The following DPY19L2 variants were observed in gnomAD, a reference collection of about 807,000 sequenced individuals.
DPY19L2 encodes the protein dpy-19 like 2.
A neutral mutation model predicts 97.9 loss-of-function variants in DPY19L2; 34 were observed. The ratio of observed to expected loss-of-function variants is 0.35; its 90% CI spans 0.26 to 0.46. The LOEUF is 0.46. Ranked by LOEUF, DPY19L2 falls within the 20% of genes least tolerant of loss-of-function variation. DPY19L2 has a pLI of 1.00. For missense variants in DPY19L2, 623 were observed against 911.4 expected (o/e 0.68, Z 4.07); for synonymous variants, 230 against 307.9 (o/e 0.75, Z 2.65).
chr12:63,601,275 A>C (rs1885144852), intron 12 of DPY19L2, among the ~76,000 whole-genome samples: 1 of 152,200 alleles, frequency 6.6e-6, no homozygotes, highest in African/African-American at 2.4e-5. Flanking sequence ...TTGAAATGTG[A>C]AAACTTAAGC....
intron 16 of DPY19L2, among the ~76,000 whole-genome samples, chr12:63,588,745 CTTT>C (rs913709153): frequency 0.14 from 17,824 of 129,648 alleles, 702 homozygotes; most frequent in African/African-American, 0.27. Flanking sequence ...AGGAAACTTT[CTTT>C]TTTTTTTTTT....
At chr12:63,625,186 A>C (rs61936091) in intron 7 of DPY19L2, among the ~76,000 whole-genome samples, 15,675 of 152,064 alleles carry the variant, frequency 0.1, 1,033 homozygotes, top group East Asian at 0.28. Context: ...TCATGAGGTC[A>C]GGAGTTCGAG....
At chr12:63,585,382 T>A (rs1251458378) in intron 16 of DPY19L2, among the ~76,000 whole-genome samples, 1 of 152,144 alleles carries the variant, frequency 6.6e-6, no homozygotes, top group Non-Finnish European at 1.5e-5. Context: ...CTTAAGGTAG[T>A]AATGGAGTCC....
intron 16 of DPY19L2, among the ~76,000 whole-genome samples, chr12:63,585,618 C>G (rs1054701585): frequency 2.6e-5 from 4 of 151,966 alleles, no homozygotes; most frequent in African/African-American, 7.3e-5. Context: ...AAGGAAGAAG[C>G]CTGGTAGGTG....
intron 16 of DPY19L2, among the ~76,000 whole-genome samples, chr12:63,589,323 A>G (rs929527301): frequency 7.1e-6 from 1 of 140,042 alleles, no homozygotes. Flanking sequence ...ACCAGAAAGA[A>G]AGTTTGGTAA....
At chr12:63,613,528 C>G (rs147694583) in intron 11 of DPY19L2, among the ~76,000 whole-genome samples, 1,641 of 151,970 alleles carry the variant, frequency 0.011, 15 homozygotes, top group Middle Eastern at 0.024. Flanking sequence ...AAAGACTGAA[C>G]AATTAAACAA....
At position 63,605,359 on chromosome 12, in the gene DPY19L2, G is replaced by A. The variant is rs548491074; in HGVS notation, c.1278+3257C>T. 9.2e-5 allele frequency among the ~76,000 whole-genome samples: 14 copies of A among 152,260 alleles called. No homozygotes were observed. In the South Asian group the frequency reaches 2.9e-3, roughly 32 times the overall value. On this transcript the variant is annotated intron_variant, in intron 12 of 21. Coordinates refer to ENST00000324472, the MANE Select transcript of DPY19L2 (RefSeq NM_173812.5). ...AGATACCAGACCCACATCATAGAGA[G>A]CATTTCCCTGGAACCTCTTTCTGAG...
intron 6 of DPY19L2, among the ~76,000 whole-genome samples, chr12:63,634,739 C>T (rs989991001): frequency 1.2e-4 from 18 of 152,236 alleles, no homozygotes; most frequent in African/African-American, 3.4e-4. Flanking sequence ...GGTGGAGGGG[C>T]GTCCACCATT....
chr12:63,574,345 T>C (rs1879430854), intron 19 of DPY19L2, among the ~76,000 whole-genome samples: 1 of 151,220 alleles, frequency 6.6e-6, no homozygotes, highest in Admixed American at 6.6e-5. Context: ...TAAAAAGCAA[T>C]AAACTAAAAC....
At chr12:63,632,825 C>T (rs1890946844) in intron 6 of DPY19L2, among the ~76,000 whole-genome samples, 1 of 152,116 alleles carries the variant, frequency 6.6e-6, no homozygotes, top group Admixed American at 6.5e-5. Context: ...TACTACAAGG[C>T]TACAGTAACC....
chr12:63,668,621 G>C (rs1456003885), upstream of DPY19L2: 5 of 546,008 alleles, frequency 9.2e-6, no homozygotes, highest in Non-Finnish European at 1.6e-5. Flanking sequence ...CCCAGCGCGA[G>C]CAGCACCCCC....
At chr12:63,616,186 T>C (rs553369819) in intron 11 of DPY19L2, among the ~76,000 whole-genome samples, 11 of 151,988 alleles carry the variant, frequency 7.2e-5, no homozygotes, top group African/African-American at 9.6e-5. Flanking sequence ...GAAGGGGACA[T>C]TGTACTCATC....
intron 6 of DPY19L2, among the ~76,000 whole-genome samples, chr12:63,629,229 G>A (rs1427710106): frequency 1.3e-5 from 2 of 152,154 alleles, no homozygotes; most frequent in Admixed American, 6.5e-5. Context: ...TGACTTTGAC[G>A]AGTTGACAGA....
intron 7 of DPY19L2, among the ~76,000 whole-genome samples, chr12:63,624,771 T>C (rs922454358): frequency 2.6e-5 from 4 of 152,174 alleles, no homozygotes; most frequent in African/African-American, 4.8e-5. Context: ...GGTCAGAGTA[T>C]TGGAAAAATT....
intron 11 of DPY19L2, among the ~76,000 whole-genome samples, chr12:63,612,068 G>A (rs552181411): frequency 8.5e-5 from 13 of 152,130 alleles, no homozygotes; most frequent in South Asian, 8.3e-4. Flanking sequence ...AGACGAAAGC[G>A]TAGGGATGTC....
At chr12:63,567,566 A>G (rs188297819) in intron 21 of DPY19L2, among the ~76,000 whole-genome samples, 2,226 of 152,194 alleles carry the variant, frequency 0.015, 24 homozygotes, top group Non-Finnish European at 0.021. Flanking sequence ...TTCAGAGAAG[A>G]AAAACGTATA....
intron 2 of DPY19L2, among the ~76,000 whole-genome samples, chr12:63,665,083 CAG>C (rs898889688): frequency 3.3e-5 from 5 of 152,138 alleles, no homozygotes; most frequent in African/African-American, 1.2e-4. Flanking sequence ...CTGAAAGACT[CAG>C]AGCCATTTAA....
At chr12:63,614,769 A>G (rs1158844709) in intron 11 of DPY19L2, among the ~76,000 whole-genome samples, 1 of 152,142 alleles carries the variant, frequency 6.6e-6, no homozygotes, top group Non-Finnish European at 1.5e-5. Context: ...AAATGCATGC[A>G]CACACACATA....
chr12:63,605,637 A>C (rs1314444976), intron 12 of DPY19L2, among the ~76,000 whole-genome samples: 2 of 152,134 alleles, frequency 1.3e-5, no homozygotes, highest in Non-Finnish European at 2.9e-5. Flanking sequence ...TTGTCCTCTA[A>C]AAGGAACCAG....
Sources: allele counts gnomAD v4.1 joint callset (sites outside exome capture counted in the v4.1 genomes callset), GRCh38; gene constraint gnomAD v4.1.1; transcripts MANE v1.5; gene names NCBI Gene and HGNC (gene_info 2026-07-23, HGNC 2026-07-21).